The following XPO4 variants were observed in gnomAD, a reference collection of about 807,000 sequenced individuals.
XPO4 encodes exportin 4.
Under a neutral mutation model 143.0 loss-of-function variants are expected in XPO4, and 39 were observed. That is an observed-to-expected ratio of 0.27 (90% confidence interval 0.21 to 0.36). XPO4 has a LOEUF of 0.36. XPO4 is among the 10% of genes least tolerant of loss of function. The pLI, the probability that XPO4 is intolerant of heterozygous loss-of-function variation, is 1.00. For missense variants in XPO4, 907 were observed against 1,348.0 expected (o/e 0.67, Z 5.12); for synonymous variants, 439 against 474.0 (o/e 0.93, Z 0.96).
chr13:20,783,956 T>G, intron 22 of XPO4, 37 bp from the exon 23 acceptor site: 1 of 1,594,032 alleles, frequency 6.3e-7, no homozygotes, highest in Non-Finnish European at 8.6e-7. Flanking sequence ...GTATCCTCCT[T>G]AGAATATCAT....
chr13:20,884,779 G>A (rs192579349), intron 1 of XPO4, among the ~76,000 whole-genome samples: 8 of 152,230 alleles, frequency 5.3e-5, no homozygotes, highest in African/African-American at 1.7e-4. Context: ...GAGCCCAAAC[G>A]TTTGAAGCTG....
Position 20,803,692 on chromosome 13 carries a change from C to G in XPO4, c.1818-2702G>C, listed in dbSNP as rs1443405875. ...ATCAGCCCCACCCACAGCAACCTCC[C>G]TGCCTCTCCACCCTCATCCCCCCAC... On this transcript the variant is annotated intron_variant, in intron 13 of 22. Transcript: ENST00000255305. The surrounding 1 kb of genome is among the most constrained non-coding windows in gnomAD (Gnocchi z 4.1). Among the ~76,000 whole-genome samples the G allele has an allele frequency of 6.6e-6, 1 of 152,122 alleles. No individual in the cohort carries two copies. The highest frequency in any genetic ancestry group is 1.5e-5 in the Non-Finnish European group (1 of 68,028).
chr13:20,841,364 AAAAC>A (rs71200303), intron 6 of XPO4, among the ~76,000 whole-genome samples: 43,668 of 151,654 alleles, frequency 0.29, 7,900 homozygotes, highest in East Asian at 0.8. Context: ...TTTATTTAAA[AAAAC>A]AAACAAACAA....
intron 4 of XPO4, chr13:20,850,211 T>C: frequency 3.0e-6 from 3 of 985,250 alleles, no homozygotes; most frequent in Non-Finnish European, 3.6e-6. Context: ...TGATTTATTA[T>C]AGTTCACTTC....
intron 6 of XPO4, among the ~76,000 whole-genome samples, chr13:20,842,608 C>A (rs924936245): frequency 1.3e-5 from 2 of 152,188 alleles, no homozygotes; most frequent in African/African-American, 4.8e-5. Flanking sequence ...CCTTTTCCTT[C>A]CCAAAGAATA....
chr13:20,847,794 T>A (rs1566604377), intron 4 of XPO4, among the ~76,000 whole-genome samples: 1 of 152,148 alleles, frequency 6.6e-6, no homozygotes, highest in Non-Finnish European at 1.5e-5. Context: ...CATACTAAAA[T>A]ACACAGGAAT....
At chr13:20,804,279 C>A (rs1446038578) in intron 13 of XPO4, among the ~76,000 whole-genome samples, 2 of 150,604 alleles carry the variant, frequency 1.3e-5, no homozygotes, top group Admixed American at 6.6e-5. Flanking sequence ...AAGCATTGTG[C>A]CTATGGTGGA....
At chr13:20,842,778 A>T (rs2059988829) in intron 6 of XPO4, 117 bp downstream of exon 6, 1 of 948,180 alleles carries the variant, frequency 1.1e-6, no homozygotes. Context: ...TCTTAAAAAA[A>T]ATCTTATTTT....
intron 9 of XPO4, among the ~76,000 whole-genome samples, chr13:20,814,397 C>G (rs1283549616): frequency 3.3e-5 from 5 of 152,134 alleles, no homozygotes; most frequent in Non-Finnish European, 7.4e-5. Flanking sequence ...AACAGAAGAT[C>G]AGAGGTAGAC....
Position 20,799,251 on chromosome 13 carries a change from G to A in XPO4, c.2236C>T (p.Pro746Ser), listed in dbSNP as rs61762964. Residue 746 changes from proline (P) to serine (S), a missense_variant, in exon 16 of 23, where the codon CCT becomes TCT. Pro to Ser is a moderately conservative substitution (Grantham distance 74, BLOSUM62 -1). Transcript: ENST00000255305. ...RSPPLNFLSSPVQRTLMKALV... is the reference protein window; with the variant it reads ...RSPPLNFLSSSVQRTLMKALV... Reference sequence around the variant, plus strand: ...GCCTTCATCAATGTCCTCTGCACAGGACTTGACAAGAAATTAAGAGGTGGG... The same window carrying A: ...GCCTTCATCAATGTCCTCTGCACAGAACTTGACAAGAAATTAAGAGGTGGG... 6.2e-6 allele frequency: 10 copies of A among 1,613,890 alleles called. No homozygotes were observed. Among genetic ancestry groups the A allele is most frequent in the Non-Finnish European group, 8.5e-6 (10 of 1,179,964 alleles).
intron 1 of XPO4, among the ~76,000 whole-genome samples, chr13:20,887,555 A>C (rs1406962592): frequency 6.6e-6 from 1 of 152,172 alleles, no homozygotes; most frequent in African/African-American, 2.4e-5. Flanking sequence ...AACAGAGTTA[A>C]GATTAGAAAA....
intron 12 of XPO4, among the ~76,000 whole-genome samples, 159 bp from the exon 13 acceptor site, chr13:20,807,793 A>C (rs1022813101): frequency 2.3e-4 from 35 of 152,298 alleles, no homozygotes; most frequent in African/African-American, 7.5e-4. Flanking sequence ...AAAACTTTCT[A>C]TGTCTCAGAT....
rs555402097 is a variant in XPO4 at position 20,878,406 on chromosome 13, A to G, written c.70-9705T>C. Reference sequence around the variant, plus strand: ...GCCACAAAGATGTTCCTACAACATTATAATAGAAAAAAAAAGAAGAAGTAA... The same window carrying G: ...GCCACAAAGATGTTCCTACAACATTGTAATAGAAAAAAAAAGAAGAAGTAA... On this transcript the variant is annotated intron_variant, in intron 1 of 22. Transcript: ENST00000255305. Among the ~76,000 whole-genome samples the G allele has an allele frequency of 7.3e-5, 11 of 151,608 alleles. No individual in the cohort carries two copies. In the South Asian group the frequency reaches 1.9e-3, roughly 26 times the overall value.
Position 20,787,564 on chromosome 13 carries a change from C to G in XPO4, c.3082G>C (p.Ala1028Pro). Residue 1028 changes from alanine to proline, a missense_variant, in exon 21 of 23, where the codon GCC becomes CCC. Coordinates refer to ENST00000255305, the MANE Select transcript of XPO4 (RefSeq NM_022459.5). Reference protein sequence around the residue: ...SSEVCQLCLEALTPLAEQCAK... With the variant: ...SSEVCQLCLEPLTPLAEQCAK... ...CACTGTTCAGCTAACGGTGTCAAGGCCTCCAGGCAAAGCTGGCAAACCTCC... is the reference window on the plus strand; with the variant it reads ...CACTGTTCAGCTAACGGTGTCAAGGGCTCCAGGCAAAGCTGGCAAACCTCC... The G allele has an allele frequency of 6.2e-7, 1 of 1,614,218 alleles. No homozygotes were observed. The highest frequency in any genetic ancestry group is 8.5e-7 in the Non-Finnish European group (1 of 1,180,044).
intron 17 of XPO4, 55 bp from the exon 18 acceptor site, chr13:20,796,311 A>C: frequency 1.5e-6 from 2 of 1,312,720 alleles, no homozygotes; most frequent in Non-Finnish European, 1.0e-6. Flanking sequence ...ACATTAAAAA[A>C]ATTTTAAAAT....
chr13:20,849,931 C>A (rs2060066233), intron 4 of XPO4: 1 of 595,986 alleles, frequency 1.7e-6, no homozygotes, highest in Non-Finnish European at 2.1e-6. Flanking sequence ...CATGGCAAAA[C>A]CCCATCTCTA....
Position 20,874,389 on chromosome 13 carries a change from G to A in XPO4, c.70-5688C>T, listed in dbSNP as rs1216524565. 2.6e-5 allele frequency among the ~76,000 whole-genome samples: 4 copies of A among 152,266 alleles called. No homozygotes were observed. In the East Asian group the frequency reaches 7.7e-4, roughly 29 times the overall value. ...TTTATCTTTGACAGAGACAGACGGT[G>A]CTATGATTCAAATCTGTTCGCCAAA... On this transcript the variant is annotated intron_variant, in intron 1 of 22. Coordinates refer to ENST00000255305, the MANE Select transcript of XPO4 (RefSeq NM_022459.5).
chr13:20,851,711 C>CAA (rs11340357), intron 4 of XPO4: 248 of 780,870 alleles, frequency 3.2e-4, no homozygotes, highest in African/African-American at 4.1e-4. Context: ...CCCGGTCTCA[C>CAA]AAAAAAAAAA....
intron 1 of XPO4, among the ~76,000 whole-genome samples, chr13:20,869,006 T>C (rs1440341648): frequency 6.6e-6 from 1 of 152,160 alleles, no homozygotes; most frequent in East Asian, 1.9e-4. Flanking sequence ...TAACAATTAG[T>C]TGACTTATTA....
Sources: gnomAD v4.1 joint callset for allele counts (sites outside exome capture counted in the v4.1 genomes callset) on GRCh38, gnomAD v4.1.1 for gene constraint, Gnocchi (gnomAD v3.1) non-coding constraint, MANE v1.5 for transcripts, NCBI Gene and HGNC (gene_info 2026-07-23, HGNC 2026-07-21) for gene names.